The following TAF3 variants were observed in gnomAD, a reference collection of about 807,000 sequenced individuals.
TAF3 encodes the protein transcription initiation factor TFIID subunit 3.
In TAF3, 7 loss-of-function variants were observed where a neutral mutation model predicts 80.6. The ratio of observed to expected loss-of-function variants is 0.09; its 90% confidence interval spans 0.05 to 0.16. The LOEUF (loss-of-function observed/expected upper bound fraction) is 0.16. Among genes scored for constraint, TAF3 ranks in the 10% least tolerant of loss-of-function variants. The pLI, the probability that TAF3 is intolerant of heterozygous loss-of-function variation, is 1.00. For synonymous variants in TAF3, 444 were observed against 446.1 expected (o/e 1.00, Z 0.06); for missense variants, 921 against 1,140.2 (o/e 0.81, Z 2.77).
At chr10:7,976,640 T>C (rs535889373) in intron 3 of TAF3, among the ~76,000 whole-genome samples, 1 of 152,214 alleles carries the variant, frequency 6.6e-6, no homozygotes, top group South Asian at 2.1e-4. Flanking sequence ...CCTGACCTCA[T>C]GACGCCTGCC....
intron 2 of TAF3, among the ~76,000 whole-genome samples, chr10:7,939,583 C>T (rs1588559304): frequency 1.6e-5 from 1 of 60,990 alleles, no homozygotes; most frequent in African/African-American, 4.0e-5. Flanking sequence ...AAACTACACA[C>T]ACACACACAC....
chr10:7,821,378 A>G (rs896706187), intron 1 of TAF3, among the ~76,000 whole-genome samples: 3 of 152,204 alleles, frequency 2.0e-5, no homozygotes, highest in Non-Finnish European at 2.9e-5. Context: ...TTTAACAAAC[A>G]CTTACTGAGC....
At chr10:7,827,105 A>G (rs1836749601) in intron 2 of TAF3, among the ~76,000 whole-genome samples, 1 of 152,158 alleles carries the variant, frequency 6.6e-6, no homozygotes, top group Non-Finnish European at 1.5e-5. Context: ...GTCTCCCTCC[A>G]CAGCAGCTGG....
intron 2 of TAF3, among the ~76,000 whole-genome samples, chr10:7,920,463 C>G (rs1366694479): frequency 2.6e-5 from 4 of 151,296 alleles, no homozygotes; most frequent in Admixed American, 6.6e-5. Context: ...GCATTTTGTT[C>G]TGCAATTTAA....
chr10:7,951,052 A>G (rs1838077466), intron 2 of TAF3, among the ~76,000 whole-genome samples: 1 of 152,224 alleles, frequency 6.6e-6, no homozygotes, highest in Admixed American at 6.5e-5. Flanking sequence ...AGCACATGTA[A>G]AACAAGGGTA....
Position 7,818,537 on chromosome 10 carries a change from T to G in TAF3, c.-173T>G. The G allele has an allele frequency of 1.7e-6, 1 of 603,298 alleles. No individual in the cohort carries two copies. The highest frequency in any genetic ancestry group is 2.8e-5 in the South Asian group (1 of 35,552). 37.4% of individuals were successfully genotyped at this position (603,298 alleles called of 1,614,324 possible). A position where few individuals can be genotyped will look rare whatever the true frequency, so the allele number is the denominator to read the frequency against. On this transcript the variant is annotated 5_prime_UTR_variant, in exon 1 of 7. Coordinates refer to ENST00000344293, the MANE Select transcript of TAF3 (RefSeq NM_031923.4). ...GGCGGAGCGAGTCCAAAATGGCGGCTCTCAGGCTGGCGCGCTCCGTGCTGC... is the reference window on the plus strand; with the variant it reads ...GGCGGAGCGAGTCCAAAATGGCGGCGCTCAGGCTGGCGCGCTCCGTGCTGC...
chr10:8,011,455 T>C (rs1832055573), intron 5 of TAF3, among the ~76,000 whole-genome samples: 1 of 152,124 alleles, frequency 6.6e-6, no homozygotes, highest in Non-Finnish European at 1.5e-5. Flanking sequence ...TTTTTGGTTT[T>C]TGTGGAGATG....
At chr10:7,987,928 T>C (rs1400728129) in intron 4 of TAF3, among the ~76,000 whole-genome samples, 1 of 152,194 alleles carries the variant, frequency 6.6e-6, no homozygotes, top group Non-Finnish European at 1.5e-5. Flanking sequence ...AGGTGAGTTT[T>C]TCTTCATTAA....
chr10:7,881,131 G>A (rs1345605346), intron 2 of TAF3, among the ~76,000 whole-genome samples: 1 of 151,754 alleles, frequency 6.6e-6, no homozygotes, highest in African/African-American at 2.4e-5. Flanking sequence ...AGCTACTTGG[G>A]AGGCTGAGGC....
intron 2 of TAF3, among the ~76,000 whole-genome samples, chr10:7,906,431 G>T (rs561025329): frequency 3.3e-5 from 5 of 152,282 alleles, no homozygotes; most frequent in Non-Finnish European, 5.9e-5. Context: ...ACCTGCTGCT[G>T]CATTGGGGAG....
chr10:7,964,473 C>T lies in TAF3; in HGVS notation c.963C>T (p.Pro321=), dbSNP rs1564372574. The change falls in exon 3 of 7, where the codon CCC becomes CCT. Residue 321 remains proline (P), a synonymous_variant. Coordinates refer to ENST00000344293, the MANE Select transcript of TAF3 (RefSeq NM_031923.4). The surrounding 1 kb of genome is among the most constrained non-coding windows in gnomAD (Gnocchi z 4.1). ...SPGRSKSPKS[P]KSPKVTTHIP... The stretch of plus-strand genomic sequence containing the variant: ...GACGTTCCAAGAGCCCCAAGAGTCC[C>T]AAGAGCCCCAAGGTCACGACTCACA... 1.2e-6 allele frequency: 2 copies of T among 1,613,640 alleles called. No individual in the cohort carries two copies. Among genetic ancestry groups the T allele is most frequent in the Non-Finnish European group, 1.7e-6 (2 of 1,179,860 alleles).
chr10:7,960,068 C>CT, intron 2 of TAF3, among the ~76,000 whole-genome samples: 1 of 152,308 alleles, frequency 6.6e-6, no homozygotes, highest in South Asian at 2.1e-4. Context: ...ATAACATACT[C>CT]TAAAGACCCG....
chr10:7,831,833 T>C (rs1015264587), intron 2 of TAF3, among the ~76,000 whole-genome samples: 1 of 152,184 alleles, frequency 6.6e-6, no homozygotes, highest in African/African-American at 2.4e-5. Context: ...TGGTATAAAT[T>C]ATCTGTCCAG....
Position 8,014,738 on chromosome 10 carries a change from A to T in TAF3, c.2777A>T (p.His926Leu). 1 of 1,598,468 alleles carries T rather than the reference A, an allele frequency of 6.3e-7. No individual in the cohort carries two copies. The highest frequency in any genetic ancestry group is 8.5e-7 in the Non-Finnish European group (1 of 1,172,250). Reference sequence around the variant, plus strand: ...GACAAAAAGCACAAGAAGAGGAAGCATCGAGCCCACTGACGACTCCCGAGG... The same window carrying T: ...GACAAAAAGCACAAGAAGAGGAAGCTTCGAGCCCACTGACGACTCCCGAGG... Reference protein sequence around the residue: ...KKDKKHKKRKHRAH With the variant: ...KKDKKHKKRKLRAH The change falls in exon 7 of 7, where the codon CAT (histidine) becomes CTT (leucine). Residue 926 changes from histidine to leucine, a missense_variant. Physicochemically the swap from His to Leu is moderately conservative, Grantham distance 99 (BLOSUM62 -3). This residue lies in a region of TAF3 where 29 missense variants were observed against 20.3 expected (regional missense o/e 1.43). Coordinates refer to ENST00000344293, the MANE Select transcript of TAF3 (RefSeq NM_031923.4).
chr10:7,989,325 A>G (rs1831810845), intron 4 of TAF3, among the ~76,000 whole-genome samples: 1 of 152,236 alleles, frequency 6.6e-6, no homozygotes, highest in East Asian at 1.9e-4. Flanking sequence ...AGGCAGGGGC[A>G]AGGCAAATGG....
chr10:7,963,616 A>G (rs1831533692), intron 2 of TAF3, among the ~76,000 whole-genome samples: 1 of 152,080 alleles, frequency 6.6e-6, no homozygotes, highest in African/African-American at 2.4e-5. Flanking sequence ...GTGAGAACAC[A>G]TGGACACAGA....
intron 2 of TAF3, among the ~76,000 whole-genome samples, chr10:7,917,033 A>G (rs553366785): frequency 3.3e-4 from 51 of 152,336 alleles, no homozygotes; most frequent in African/African-American, 1.2e-3. Context: ...AAGTTTATTC[A>G]TTCAGCGAAT....
chr10:7,987,292 G>A (rs1490967904), intron 4 of TAF3, among the ~76,000 whole-genome samples: 1 of 151,960 alleles, frequency 6.6e-6, no homozygotes, highest in Non-Finnish European at 1.5e-5. Context: ...CACCAGCTTG[G>A]GCAATAGGAG....
intron 2 of TAF3, among the ~76,000 whole-genome samples, chr10:7,856,496 A>G (rs1349139112): frequency 6.6e-6 from 1 of 152,210 alleles, no homozygotes; most frequent in Non-Finnish European, 1.5e-5. Context: ...AAATAAAAAA[A>G]TAGATTTTAA....
Sources: allele counts gnomAD v4.1 joint callset (sites outside exome capture counted in the v4.1 genomes callset), GRCh38; gene constraint gnomAD v4.1.1; regional missense constraint gnomAD v4.1.1; non-coding constraint Gnocchi (gnomAD v3.1); transcripts MANE v1.5; gene names NCBI Gene and HGNC (gene_info 2026-07-23, HGNC 2026-07-21).